Variants in TNKS observed in about 807,000 individuals in gnomAD.
The protein encoded by TNKS is poly [ADP-ribose] polymerase tankyrase-1.
A neutral mutation model predicts 135.8 loss-of-function variants in TNKS; 72 were observed. The ratio of observed to expected loss-of-function variants is 0.53; its 90% confidence interval spans 0.44 to 0.64. TNKS has a LOEUF of 0.64. Ranked by LOEUF, TNKS falls within the 30% of genes least tolerant of loss-of-function variation. The pLI is 0.00. For missense variants in TNKS, 1,769 were observed against 1,674.0 expected, an observed-to-expected ratio of 1.06 and a Z score of -0.99; for synonymous variants, 849 against 649.3, an observed-to-expected ratio of 1.31 and a Z score of -4.68.
intron 2 of TNKS, among the ~76,000 whole-genome samples, chr8:9,587,464 G>T (rs940613659): frequency 2.0e-5 from 3 of 150,616 alleles, no homozygotes; most frequent in African/African-American, 7.3e-5. Context: ...CAGTGGCACA[G>T]TCTCGGCTCA....
chr8:9,581,220 A>G (rs1245966549), intron 2 of TNKS, among the ~76,000 whole-genome samples: 1 of 152,228 alleles, frequency 6.6e-6, no homozygotes, highest in African/African-American at 2.4e-5. Flanking sequence ...GTAATGGTTA[A>G]GATTATTCCT....
At position 9,675,822 on chromosome 8, in the gene TNKS, C is replaced by T. The variant is rs930237988; in HGVS notation, c.995-4129C>T. On this transcript the variant is annotated intron_variant, in intron 3 of 26. Coordinates refer to ENST00000310430, the MANE Select transcript of TNKS (RefSeq NM_003747.3). ...GGATAATACTTAGTGAAACCTAAGA[C>T]AATCTGTTTAACTGCCTTGACACCA... 4.6e-5 allele frequency among the ~76,000 whole-genome samples: 7 copies of T among 152,158 alleles called. No homozygotes were observed. In the East Asian group the frequency reaches 1.4e-3, roughly 29 times the overall value.
At chr8:9,612,890 A>G (rs1799514660) in intron 2 of TNKS, among the ~76,000 whole-genome samples, 1 of 152,228 alleles carries the variant, frequency 6.6e-6, no homozygotes, top group African/African-American at 2.4e-5. Context: ...GTATTCTTAT[A>G]GTAAAGCAAG....
intron 12 of TNKS, among the ~76,000 whole-genome samples, chr8:9,724,215 A>C (rs1166490228): frequency 6.6e-6 from 1 of 152,110 alleles, no homozygotes; most frequent in East Asian, 1.9e-4. Context: ...TTTGGGAGGC[A>C]ACGGTGGGAG....
At chr8:9,629,611 C>G (rs1172768618) in intron 3 of TNKS, among the ~76,000 whole-genome samples, 1 of 152,160 alleles carries the variant, frequency 6.6e-6, no homozygotes, top group African/African-American at 2.4e-5. Context: ...TCCCAGTTTG[C>G]TGGTTGCTTT....
intron 26 of TNKS, among the ~76,000 whole-genome samples, chr8:9,775,503 A>G (rs1366107478): frequency 8.8e-6 from 1 of 113,994 alleles, no homozygotes; most frequent in East Asian, 2.5e-4. Flanking sequence ...ATATATATAT[A>G]TGTAGACAGA....
intron 1 of TNKS, among the ~76,000 whole-genome samples, chr8:9,565,428 C>G (rs1179990782): frequency 1.3e-5 from 2 of 152,026 alleles, no homozygotes; most frequent in South Asian, 2.1e-4. Flanking sequence ...GGTATATTTT[C>G]TTTTAAAGTG....
chr8:9,647,409 A>G (rs1800959032), intron 3 of TNKS, among the ~76,000 whole-genome samples: 1 of 152,198 alleles, frequency 6.6e-6, no homozygotes, highest in Non-Finnish European at 1.5e-5. Context: ...AGAGAGTGAA[A>G]TTGAATAAGA....
At chr8:9,736,066 T>C (rs1259853638) in intron 17 of TNKS, among the ~76,000 whole-genome samples, 3 of 99,668 alleles carry the variant, frequency 3.0e-5, no homozygotes, top group Non-Finnish European at 6.7e-5. Flanking sequence ...TCAGTTTATA[T>C]TTATCAATAT....
intron 2 of TNKS, among the ~76,000 whole-genome samples, chr8:9,588,353 C>G (rs1257233639): frequency 6.6e-6 from 1 of 152,016 alleles, no homozygotes; most frequent in Non-Finnish European, 1.5e-5. Flanking sequence ...AGGCTCACTG[C>G]AAGCTCTGCC....
chr8:9,739,968 G>A (rs1805843014), intron 17 of TNKS, among the ~76,000 whole-genome samples: 1 of 101,166 alleles, frequency 9.9e-6, no homozygotes, highest in Admixed American at 1.1e-4. Flanking sequence ...TGACACATTA[G>A]TGGGTGCAGC....
rs1225735617 is a variant in TNKS at position 9,640,391 on chromosome 8, C to A, written c.994+24714C>A. On this transcript the variant is annotated intron_variant, in intron 3 of 26. Transcript: ENST00000310430. ...GTTCCTCCCTCTCAATACTGTTGCA[C>A]TGGGGATTTTTAACATATGAACTTT... Among the ~76,000 whole-genome samples, 2 of 133,074 alleles carry A rather than the reference C, an allele frequency of 1.5e-5. 1 individual carries two copies. The highest frequency in any genetic ancestry group is 1.7e-4 in the Admixed American group (2 of 11,958). 87.3% of individuals were successfully genotyped at this position (133,074 alleles called of 152,430 possible).
chr8:9,654,425 C>G lies in TNKS; in HGVS notation c.995-25526C>G, dbSNP rs530657851. 2.5e-4 allele frequency among the ~76,000 whole-genome samples: 38 copies of G among 152,164 alleles called. 2 individuals are homozygous for G. The highest frequency in any genetic ancestry group is 8.4e-4 in the African/African-American group (35 of 41,494). ...AAATTAAATTTTAATACCTTTGCAA[C>G]TGAAAGGAGATATAAATGAGGATAT... On this transcript the variant is annotated intron_variant, in intron 3 of 26. Transcript: ENST00000310430.
At chr8:9,641,768 C>T (rs888561970) in intron 3 of TNKS, among the ~76,000 whole-genome samples, 8 of 145,224 alleles carry the variant, frequency 5.5e-5, no homozygotes, top group Admixed American at 1.5e-4. Flanking sequence ...ATATTATGTG[C>T]GTTTTGTAAA....
intron 13 of TNKS, among the ~76,000 whole-genome samples, chr8:9,730,578 C>CA (rs1179517942): frequency 6.6e-6 from 1 of 152,118 alleles, no homozygotes; most frequent in Non-Finnish European, 1.5e-5. Context: ...GAAAGACTTA[C>CA]AAAGATAAAA....
At chr8:9,598,497 GC>G (rs1472739346) in intron 2 of TNKS, among the ~76,000 whole-genome samples, 1 of 151,656 alleles carries the variant, frequency 6.6e-6, no homozygotes, top group Non-Finnish European at 1.5e-5. Flanking sequence ...AATATTAATT[GC>G]CAGGCTGGGC....
intron 5 of TNKS, among the ~76,000 whole-genome samples, chr8:9,690,048 A>G (rs1266533692): frequency 6.6e-6 from 1 of 152,230 alleles, no homozygotes; most frequent in African/African-American, 2.4e-5. Flanking sequence ...GTGAAACATC[A>G]AGTTACATCA....
At chr8:9,634,973 C>G (rs1306206802) in intron 3 of TNKS, among the ~76,000 whole-genome samples, 3 of 150,896 alleles carry the variant, frequency 2.0e-5, no homozygotes, top group Admixed American at 6.6e-5. Flanking sequence ...GTCAGGAGAT[C>G]GAGACCACGG....
intron 2 of TNKS, among the ~76,000 whole-genome samples, chr8:9,591,111 C>T (rs879289167): frequency 3.3e-5 from 5 of 152,218 alleles, no homozygotes; most frequent in South Asian, 2.1e-4. Flanking sequence ...CATGCCTTTG[C>T]ATGTGGCTAT....
Sources: allele counts gnomAD v4.1 joint callset (sites outside exome capture counted in the v4.1 genomes callset), GRCh38; gene constraint gnomAD v4.1.1; transcripts MANE v1.5; gene names NCBI Gene and HGNC (gene_info 2026-07-23, HGNC 2026-07-21).